Variants in LRP2 observed in about 807,000 individuals in gnomAD.
LRP2 encodes the protein low-density lipoprotein receptor-related protein 2.
A neutral mutation model predicts 531.0 loss-of-function variants in LRP2; 172 were observed. That is an observed-to-expected ratio of 0.32 (90% CI 0.29 to 0.37). The LOEUF (loss-of-function observed/expected upper bound fraction) is 0.37. Ranked by LOEUF, LRP2 falls within the 10% of genes least tolerant of loss-of-function variation. The pLI is 1.00. For missense variants in LRP2, 5,167 were observed against 5,868.3 expected, an observed-to-expected ratio of 0.88 and a Z score of 3.90; for synonymous variants, 1,992 against 2,027.6, an observed-to-expected ratio of 0.98 and a Z score of 0.47.
In LRP2 at chr2:169,191,825, A is replaced by T; in HGVS notation, c.9032+7T>A. On this transcript the variant is annotated splice_region_variant and intron_variant, in intron 48 of 78. Transcript: ENST00000649046. ...CATGCTGGGTAACTTCTGAATCCTC[A>T]ATTCACCTGAATATCTTTGGGATAC... 1 of 1,613,590 alleles carries T rather than the reference A, an allele frequency of 6.2e-7. No homozygotes were observed. The highest frequency in any genetic ancestry group is 8.5e-7 in the Non-Finnish European group (1 of 1,179,606).
chr2:169,222,087 A>C (rs1230442245), intron 33 of LRP2, among the ~76,000 whole-genome samples: 1 of 152,230 alleles, frequency 6.6e-6, no homozygotes, highest in Non-Finnish European at 1.5e-5. Context: ...AGGTAAACAG[A>C]AAGTGAATAC....
intron 57 of LRP2, 97 bp downstream of exon 57, chr2:169,172,999 T>G: frequency 6.7e-6 from 10 of 1,485,124 alleles, no homozygotes; most frequent in African/African-American, 1.4e-5. Flanking sequence ...AAAGAAAAGA[T>G]GACATGGGAA....
chr2:169,283,169 T>A (rs564630360), intron 9 of LRP2, among the ~76,000 whole-genome samples, 168 bp from the exon 10 acceptor site: 2 of 152,336 alleles, frequency 1.3e-5, no homozygotes, highest in South Asian at 4.1e-4. Context: ...ACCATCTTCA[T>A]GTAAGGAAAA....
rs1684836920 is a variant in LRP2 at position 169,318,845 on chromosome 2, C to T, written c.227G>A (p.Ser76Asn). 6.2e-7 allele frequency: 1 copy of T among 1,614,174 alleles called. No homozygotes were observed. The highest frequency in any genetic ancestry group is 8.5e-7 in the Non-Finnish European group (1 of 1,180,008). ...TCQQGYFKCQ[S>N]EGQCIPNSWV... is the part of the protein sequence containing the mutation. Reference sequence around the variant, plus strand: ...GGAGTTGGGGATGCATTGTCCCTCACTCTGGCACTTGAAATAGCCCTGCTG... The same window carrying T: ...GGAGTTGGGGATGCATTGTCCCTCATTCTGGCACTTGAAATAGCCCTGCTG... The change falls in exon 3 of 79, where the codon AGT becomes AAT. Residue 76 changes from serine to asparagine, a missense_variant. Physicochemically the swap from Ser to Asn is conservative, Grantham distance 46 (BLOSUM62 1). Around this residue, in one of 6 missense-constraint regions of LRP2, gnomAD observed 2,811 missense variants for 3,058.0 expected, o/e 0.92. Coordinates refer to ENST00000649046, the MANE Select transcript of LRP2 (RefSeq NM_004525.3).
intron 31 of LRP2, among the ~76,000 whole-genome samples, chr2:169,228,927 G>T (rs1176025930): frequency 6.6e-6 from 1 of 152,136 alleles, no homozygotes; most frequent in Non-Finnish European, 1.5e-5. Flanking sequence ...ACATTTCTAC[G>T]GAGCAAACGG....
At chr2:169,158,894 A>G (rs555650548) in intron 63 of LRP2, among the ~76,000 whole-genome samples, 66 of 151,972 alleles carry the variant, frequency 4.3e-4, no homozygotes, top group African/African-American at 1.5e-3. Context: ...AGCCCATATA[A>G]ATGATCCCTG....
chr2:169,343,698 A>G (rs115096778), intron 1 of LRP2, among the ~76,000 whole-genome samples: 10 of 152,332 alleles, frequency 6.6e-5, no homozygotes, highest in Non-Finnish European at 1.2e-4. Context: ...ACCATGTCCC[A>G]GTACCAGAAA....
intron 63 of LRP2, among the ~76,000 whole-genome samples, chr2:169,158,882 A>G (rs1686463607): frequency 2.0e-5 from 3 of 150,778 alleles, no homozygotes; most frequent in Admixed American, 6.6e-5. Flanking sequence ...TTATTTTTGT[A>G]GAGCCCATAT....
At chr2:169,279,655 T>G (rs1465316019) in intron 11 of LRP2, 60 bp from the exon 12 acceptor site, 4 of 1,079,758 alleles carry the variant, frequency 3.7e-6, no homozygotes, top group Non-Finnish European at 5.6e-6. Context: ...TGGTTTGTTT[T>G]GATTTTTTTT....
Position 169,238,276 on chromosome 2 carries a change from C to T in LRP2, c.4321G>A (p.Ala1441Thr). 6.2e-7 allele frequency: 1 copy of T among 1,613,890 alleles called. No individual in the cohort carries two copies. Among genetic ancestry groups the T allele is most frequent in the Non-Finnish European group, 8.5e-7 (1 of 1,179,882 alleles). ...TASESLLLLV[A>T]SQNKIIADSV... is the part of the protein sequence containing the mutation. ...TCGGCAATAATTTTGTTCTGACTTGCCACAAGTAACAGCAGACTCTCAGAT... is the reference window on the plus strand; with the variant it reads ...TCGGCAATAATTTTGTTCTGACTTGTCACAAGTAACAGCAGACTCTCAGAT... The change falls in exon 27 of 79, where the codon GCA (alanine) becomes ACA (threonine). Residue 1441 changes from alanine (A) to threonine (T), a missense_variant. Transcript: ENST00000649046.
intron 65 of LRP2, among the ~76,000 whole-genome samples, chr2:169,155,635 G>A (rs1686300775): frequency 6.6e-6 from 1 of 152,098 alleles, no homozygotes; most frequent in Non-Finnish European, 1.5e-5. Context: ...TTTAGATCAG[G>A]CCTCTGGAAT....
intron 67 of LRP2, 85 bp from the exon 68 acceptor site, chr2:169,151,111 G>T: frequency 4.2e-6 from 6 of 1,433,168 alleles, no homozygotes; most frequent in Non-Finnish European, 5.9e-6. Context: ...AGAGCATTTC[G>T]TTTGGCTGGT....
Position 169,202,971 on chromosome 2 carries a change from T to A in LRP2, c.8006-12A>T. On this transcript the variant is annotated splice_polypyrimidine_tract_variant and intron_variant, in intron 42 of 78. Coordinates refer to ENST00000649046, the MANE Select transcript of LRP2 (RefSeq NM_004525.3). Reference sequence around the variant, plus strand: ...GGCACCATTTGGACCTGAAGAAAGATAATCCCAGAAGAAGTAAAAGATGGA... The same window carrying A: ...GGCACCATTTGGACCTGAAGAAAGAAAATCCCAGAAGAAGTAAAAGATGGA... 1 of 1,612,882 alleles carries A rather than the reference T, an allele frequency of 6.2e-7. No homozygotes were observed. Among genetic ancestry groups the A allele is most frequent in the Non-Finnish European group, 8.5e-7 (1 of 1,179,042 alleles).
chr2:169,348,387 G>A (rs1022814504), intron 1 of LRP2, among the ~76,000 whole-genome samples: 66 of 152,150 alleles, frequency 4.3e-4, no homozygotes, highest in Admixed American at 3.7e-3. Context: ...GGCCCTCTTC[G>A]TCTGTGCCCA....
intron 17 of LRP2, 75 bp from the exon 18 acceptor site, chr2:169,257,324 C>T (rs963415321): frequency 5.4e-6 from 8 of 1,480,530 alleles, no homozygotes; most frequent in Non-Finnish European, 7.5e-6. Context: ...TTAGAACAAA[C>T]AGAGATTCTC....
intron 43 of LRP2, 30 bp from the exon 44 acceptor site, chr2:169,201,900 C>T: frequency 1.2e-6 from 2 of 1,613,256 alleles, no homozygotes; most frequent in Non-Finnish European, 8.5e-7. Flanking sequence ...GAGAACAAAC[C>T]CTCTTGATTA....
chr2:169,233,689 A>T (rs1223259701), intron 29 of LRP2, 101 bp from the exon 30 acceptor site: 1 of 1,034,002 alleles, frequency 9.7e-7, no homozygotes, highest in East Asian at 2.5e-5. Flanking sequence ...TTCCTTTAAC[A>T]TGTCATTATT....
At chr2:169,132,191 T>C (rs1685317109) in intron 77 of LRP2, among the ~76,000 whole-genome samples, 1 of 152,194 alleles carries the variant, frequency 6.6e-6, no homozygotes, top group Non-Finnish European at 1.5e-5. Flanking sequence ...ATGCATGCTG[T>C]AGAGAAATCA....
intron 68 of LRP2, among the ~76,000 whole-genome samples, chr2:169,147,778 C>T (rs1305430862): frequency 1.3e-5 from 2 of 152,084 alleles, no homozygotes; most frequent in Admixed American, 6.6e-5. Context: ...GGAGAGATCC[C>T]GGTTGTAAAT....
Sources: allele counts gnomAD v4.1 joint callset (sites outside exome capture counted in the v4.1 genomes callset), GRCh38; gene constraint gnomAD v4.1.1; regional missense constraint gnomAD v4.1.1; transcripts MANE v1.5; gene names NCBI Gene and HGNC (gene_info 2026-07-23, HGNC 2026-07-21).